Variants in ARMC9 observed in about 807,000 individuals in gnomAD.
ARMC9 encodes the protein armadillo repeat containing 9, also known as lisH domain-containing protein ARMC9.
ARMC9 carries 94 observed loss-of-function variants against 107.0 expected under a neutral mutation model. That is an observed-to-expected ratio of 0.88 (90% confidence interval 0.74 to 1.04). The LOEUF (loss-of-function observed/expected upper bound fraction) is 1.04, where lower values mean the gene tolerates loss of function less well. ARMC9 is among the 50% of genes least tolerant of loss of function. ARMC9 has a pLI of 0.00. For synonymous variants in ARMC9, 380 were observed against 396.9 expected, an observed-to-expected ratio of 0.96 and a Z score of 0.51; for missense variants, 942 against 1,030.1, an observed-to-expected ratio of 0.91 and a Z score of 1.17.
intron 19 of ARMC9, among the ~76,000 whole-genome samples, chr2:231,320,382 G>C (rs555550465): frequency 3.3e-5 from 5 of 152,146 alleles, no homozygotes; most frequent in African/African-American, 1.2e-4. Context: ...ACACTTTCTT[G>C]CTCCCCATCA....
intron 9 of ARMC9, among the ~76,000 whole-genome samples, chr2:231,244,322 T>C (rs1197608535): frequency 6.6e-6 from 1 of 151,520 alleles, no homozygotes; most frequent in African/African-American, 2.4e-5. Flanking sequence ...GCTGAAAATA[T>C]CACTGTTGGT....
At chr2:231,224,027 C>T (rs1284105859) in intron 6 of ARMC9, among the ~76,000 whole-genome samples, 1 of 152,026 alleles carries the variant, frequency 6.6e-6, no homozygotes, top group Admixed American at 6.6e-5. Context: ...AACAGGGCTA[C>T]CCCATAGGCA....
chr2:231,199,885 A>G (rs1316409520), intron 1 of ARMC9, among the ~76,000 whole-genome samples: 1 of 151,968 alleles, frequency 6.6e-6, no homozygotes, highest in Non-Finnish European at 1.5e-5. Context: ...TTTAGTAGAG[A>G]TGGGGTTCCA....
chr2:231,336,186 A>G (rs1410636357), intron 20 of ARMC9, among the ~76,000 whole-genome samples: 2 of 152,034 alleles, frequency 1.3e-5, no homozygotes, highest in Non-Finnish European at 2.9e-5. Context: ...GGATATAAAC[A>G]TTTATGACAG....
At chr2:231,279,495 CTT>C (rs962948409) in intron 16 of ARMC9, among the ~76,000 whole-genome samples, 1 of 146,740 alleles carries the variant, frequency 6.8e-6, no homozygotes, top group African/African-American at 2.6e-5. Flanking sequence ...TCTTTCTTTT[CTT>C]TTTTTTCTTT....
rs755825134 is a variant in ARMC9 at position 231,216,742 on chromosome 2, TC to T, written c.455del (p.Pro152LeufsTer24). The T allele has an allele frequency of 6.2e-7, 1 of 1,614,120 alleles. No individual in the cohort carries two copies. The highest frequency in any genetic ancestry group is 1.1e-5 in the South Asian group (1 of 91,076). ...CAGAGTTTCTTCCTTTCTATGCCCT[TC>T]CTTTTGTTCCCAACCCTATGGTGCA... ...TTEFLPFYAL[P>X]FVPNPMVHPS... is the part of the protein sequence containing the mutation. On this transcript the variant is annotated frameshift_variant, in exon 5 of 25. Transcript: ENST00000611582. LOFTEE classifies it high-confidence loss of function.
rs1226627787 is a variant in ARMC9, at chr2:231,375,307, A to G, written c.*3772A>G. Among the ~76,000 whole-genome samples the G allele has an allele frequency of 6.6e-6, 1 of 152,182 alleles. No homozygotes were observed. Among genetic ancestry groups the G allele is most frequent in the East Asian group, 1.9e-4 (1 of 5,188 alleles). On this transcript the variant is annotated 3_prime_UTR_variant, in exon 25 of 25. Transcript: ENST00000611582. The surrounding 1 kb of genome is among the most constrained non-coding windows in gnomAD (Gnocchi z 4.3). ...TGGCCTCGGGGCTCCCATGGCAGTTAGAGAAATCAAGCCCAAGTCTCATAT... is the reference window on the plus strand; with the variant it reads ...TGGCCTCGGGGCTCCCATGGCAGTTGGAGAAATCAAGCCCAAGTCTCATAT...
Position 231,247,113 on chromosome 2 carries a change from G to A in ARMC9, c.879+7072G>A, listed in dbSNP as rs201304361. ...TGGGACTACAGGCTCCCGCCACCAT[G>A]CCCTGCTAATTTTTTGTATTTTTAG... On this transcript the variant is annotated intron_variant, in intron 9 of 24. Coordinates refer to ENST00000611582, the MANE Select transcript of ARMC9 (RefSeq NM_001352754.2). 4.6e-5 allele frequency among the ~76,000 whole-genome samples: 7 copies of A among 152,152 alleles called. No homozygotes were observed. In the East Asian group the frequency reaches 1.4e-3, roughly 29 times the overall value.
intron 12 of ARMC9, among the ~76,000 whole-genome samples, chr2:231,267,524 C>T (rs1049188105): frequency 6.6e-6 from 1 of 152,248 alleles, no homozygotes; most frequent in Non-Finnish European, 1.5e-5. Context: ...AACCACTGCA[C>T]CCGGCCCGGC....
At chr2:231,344,332 A>G (rs1367711216) in intron 20 of ARMC9, among the ~76,000 whole-genome samples, 1 of 152,242 alleles carries the variant, frequency 6.6e-6, no homozygotes, top group East Asian at 1.9e-4. Context: ...TTCTTATAAT[A>G]GTTGAAGAAT....
At chr2:231,269,407 T>TTTC (rs2039121483) in intron 12 of ARMC9, among the ~76,000 whole-genome samples, 2 of 146,476 alleles carry the variant, frequency 1.4e-5, no homozygotes, top group African/African-American at 5.1e-5. Flanking sequence ...TCTTTTTTTT[T>TTTC]TTTTTTTTTT....
In ARMC9 at chr2:231,249,150, G is replaced by A. The variant is rs185416888; in HGVS notation, c.880-7436G>A. 3.5e-3 allele frequency among the ~76,000 whole-genome samples: 526 copies of A among 152,186 alleles called. 2 individuals are homozygous for A. The highest frequency in any genetic ancestry group is 5.2e-3 in the Non-Finnish European group (357 of 68,008). ...CTTACTTTCTGCCCCTCACTGGCCC[G>A]CGCACCCCTGCCCCATCCTGCTGCT... On this transcript the variant is annotated intron_variant, in intron 9 of 24. Transcript: ENST00000611582.
intron 9 of ARMC9, among the ~76,000 whole-genome samples, chr2:231,248,832 A>T (rs986331829): frequency 6.7e-6 from 1 of 149,758 alleles, no homozygotes; most frequent in African/African-American, 2.5e-5. Flanking sequence ...AAAAAAAAAA[A>T]AGCTGGCCAT....
intron 19 of ARMC9, among the ~76,000 whole-genome samples, chr2:231,319,943 T>C (rs1384701962): frequency 2.0e-5 from 3 of 152,262 alleles, no homozygotes; most frequent in Admixed American, 1.3e-4. Flanking sequence ...TTAACCACTA[T>C]CTTGAAGTTG....
intron 9 of ARMC9, among the ~76,000 whole-genome samples, chr2:231,246,512 A>G (rs1045546459): frequency 6.6e-6 from 1 of 152,186 alleles, no homozygotes; most frequent in African/African-American, 2.4e-5. Context: ...AGCTGCATCC[A>G]TGTTGCTACA....
chr2:231,306,867 G>A (rs1309596238), intron 19 of ARMC9, among the ~76,000 whole-genome samples: 1 of 152,204 alleles, frequency 6.6e-6, no homozygotes, highest in Admixed American at 6.5e-5. Context: ...CGACAGTGAA[G>A]CTTAACACAA....
intron 18 of ARMC9, among the ~76,000 whole-genome samples, chr2:231,293,337 G>T (rs946382032): frequency 9.2e-5 from 14 of 152,146 alleles, no homozygotes; most frequent in African/African-American, 3.4e-4. Flanking sequence ...GGGGGCGGAG[G>T]ATTGTTGCAC....
At chr2:231,353,919 G>A (rs900268709) in intron 21 of ARMC9, among the ~76,000 whole-genome samples, 2 of 151,548 alleles carry the variant, frequency 1.3e-5, no homozygotes. Context: ...GGGAGGTAGG[G>A]GACATCCATA....
At chr2:231,329,587 G>A (rs1559470911) in intron 19 of ARMC9, among the ~76,000 whole-genome samples, 2 of 152,174 alleles carry the variant, frequency 1.3e-5, no homozygotes, top group African/African-American at 2.4e-5. Flanking sequence ...GAGATTACAG[G>A]TGTGAGCCAC....
Sources: gnomAD v4.1 joint callset for allele counts (sites outside exome capture counted in the v4.1 genomes callset) on GRCh38, gnomAD v4.1.1 for gene constraint, Gnocchi (gnomAD v3.1) non-coding constraint, MANE v1.5 for transcripts, NCBI Gene and HGNC (gene_info 2026-07-23, HGNC 2026-07-21) for gene names.